PPP2R2C: variants seen among roughly 807,000 people sequenced by gnomAD.
PPP2R2C encodes the protein protein phosphatase 2 regulatory subunit Bgamma.
PPP2R2C carries 10 observed loss-of-function variants against 45.3 expected under a neutral mutation model. The ratio of observed to expected loss-of-function variants is 0.22; its 90% CI spans 0.14 to 0.37. The LOEUF (loss-of-function observed/expected upper bound fraction) is 0.37, where lower values mean the gene tolerates loss of function less well. Ranked by LOEUF, PPP2R2C falls within the 10% of genes least tolerant of loss-of-function variation. The pLI is 1.00. For synonymous variants in PPP2R2C, 257 were observed against 245.4 expected, an observed-to-expected ratio of 1.05 and a Z score of -0.44; for missense variants, 308 against 619.7, an observed-to-expected ratio of 0.50 and a Z score of 5.34.
intron 4 of PPP2R2C, among the ~76,000 whole-genome samples, chr4:6,374,214 T>C (rs759926864): frequency 6.6e-6 from 1 of 152,164 alleles, no homozygotes; most frequent in Non-Finnish European, 1.5e-5. Context: ...CAGCAAAGTC[T>C]TGGCATCTCA....
chr4:6,366,353 C>T (rs1008131633), intron 5 of PPP2R2C, among the ~76,000 whole-genome samples: 2 of 152,154 alleles, frequency 1.3e-5, no homozygotes, highest in South Asian at 2.1e-4. Flanking sequence ...ATTCCCCAGG[C>T]GCCCAGATCA....
chr4:6,428,418 C>T (rs937428606), intron 1 of PPP2R2C, among the ~76,000 whole-genome samples: 34 of 152,216 alleles, frequency 2.2e-4, no homozygotes, highest in African/African-American at 7.7e-4. Context: ...TTGCTGGTGA[C>T]TGTGTCCTGG....
intron 6 of PPP2R2C, 144 bp downstream of exon 6, chr4:6,347,702 C>T (rs1712124542): frequency 3.7e-6 from 4 of 1,087,366 alleles, no homozygotes; most frequent in East Asian, 2.6e-5. Flanking sequence ...AGCGCTGAAG[C>T]AGCAATGGGC....
chr4:6,560,075 C>T (rs532862789), intron 1 of PPP2R2C, among the ~76,000 whole-genome samples: 4 of 152,370 alleles, frequency 2.6e-5, no homozygotes, highest in East Asian at 1.9e-4. Context: ...ACAGGGGAAG[C>T]CCACCAAGGA....
At chr4:6,488,803 T>C (rs1722608446) in intron 2 of PPP2R2C, among the ~76,000 whole-genome samples, 1 of 152,146 alleles carries the variant, frequency 6.6e-6, no homozygotes, top group Non-Finnish European at 1.5e-5. Context: ...GGCAAGACTT[T>C]CCTGAGTTGT....
In PPP2R2C at chr4:6,324,755, C is replaced by T. The variant is rs1162576821; in HGVS notation, c.1053-1162G>A. Among the ~76,000 whole-genome samples, 3 of 152,162 alleles carry T rather than the reference C, an allele frequency of 2.0e-5. No individual in the cohort carries two copies. Among genetic ancestry groups the T allele is most frequent in the African/African-American group, 7.2e-5 (3 of 41,444 alleles). On this transcript the variant is annotated intron_variant, in intron 8 of 8. Coordinates refer to ENST00000382599, the MANE Select transcript of PPP2R2C (RefSeq NM_020416.4). This position sits in a 1 kb window ranked among gnomAD's most constrained non-coding sequence, Gnocchi z 4.1. ...GCTCCTAAGGAGAAGGGGTTCCTGCCGGTGGGAGGAAGGGTAAGTTCATCC... is the reference window on the plus strand; with the variant it reads ...GCTCCTAAGGAGAAGGGGTTCCTGCTGGTGGGAGGAAGGGTAAGTTCATCC...
chr4:6,501,459 T>C (rs764520776), intron 2 of PPP2R2C, among the ~76,000 whole-genome samples: 7 of 152,182 alleles, frequency 4.6e-5, no homozygotes, highest in Admixed American at 1.3e-4. Flanking sequence ...GTTCTCAAGA[T>C]TGACTGGGAT....
rs781250478 is a variant in PPP2R2C at position 6,449,748 on chromosome 4, C to T, written c.70+22412G>A. On this transcript the variant is annotated intron_variant, in intron 1 of 8. Transcript: ENST00000382599. ...GAGTTCTGGAAAATGGGTTCCATCC[C>T]GCACAAGGGCCTGCTCTGAATGGCC... Among the ~76,000 whole-genome samples, 88 of 152,354 alleles carry T rather than the reference C, an allele frequency of 5.8e-4. 1 individual carries two copies. Among genetic ancestry groups the T allele is most frequent in the Non-Finnish European group, 5.9e-4 (40 of 68,032 alleles).
intron 2 of PPP2R2C, among the ~76,000 whole-genome samples, chr4:6,489,165 C>G (rs1722619044): frequency 6.6e-6 from 1 of 152,222 alleles, no homozygotes; most frequent in Non-Finnish European, 1.5e-5. Flanking sequence ...AGGAATCTCT[C>G]AAGGCAGTAA....
At position 6,554,459 on chromosome 4, in the gene PPP2R2C, T is replaced by C. The variant is rs554389531; in HGVS notation, c.-59+9101A>G. On this transcript the variant is annotated intron_variant, in intron 1 of 9. Transcript: ENST00000506140. ...TGCCAGAACCATGAGACAATCAATT[T>C]CCTTTCTTCAAGCCACTCTGTGTGT... is the stretch of plus-strand genomic sequence containing the variant. 2.0e-4 allele frequency among the ~76,000 whole-genome samples: 30 copies of C among 152,308 alleles called. No homozygotes were observed. In the South Asian group the frequency reaches 5.4e-3, roughly 27 times the overall value.
At chr4:6,335,816 T>TC (rs1732801222) in intron 6 of PPP2R2C, among the ~76,000 whole-genome samples, 1 of 151,906 alleles carries the variant, frequency 6.6e-6, no homozygotes. Flanking sequence ...GCCTCTGGTA[T>TC]CCCCCCAAAT....
intron 2 of PPP2R2C, among the ~76,000 whole-genome samples, chr4:6,512,413 G>A (rs1337710643): frequency 9.6e-6 from 1 of 104,090 alleles, no homozygotes; most frequent in African/African-American, 3.1e-5. Context: ...GATGGTGGTG[G>A]TGGTGATGGT....
rs534001406 is a variant in PPP2R2C at position 6,528,188 on chromosome 4, G to A, written c.49+7083C>T. Among the ~76,000 whole-genome samples the A allele has an allele frequency of 1.2e-4, 18 of 152,350 alleles. No individual in the cohort carries two copies. The East Asian group carries it at 1.9e-3, about 16-fold the overall frequency. On this transcript the variant is annotated intron_variant, in intron 2 of 9. Transcript: ENST00000506140. ...CCTGGGAAGTCCTCGGCCCCTGCCC[G>A]GGCAAACATCTCTTCCTCTTCCCGG...
At position 6,339,490 on chromosome 4, in the gene PPP2R2C, G is replaced by A. The variant is rs550945502; in HGVS notation, c.791-5759C>T. On this transcript the variant is annotated intron_variant, in intron 6 of 8. Coordinates refer to ENST00000382599, the MANE Select transcript of PPP2R2C (RefSeq NM_020416.4). ...CAGCCAGCCTGGGGGTGGCCCCTGT[G>A]TGCCCGTGGCACTTGCTCTGTGGCC... is the stretch of plus-strand genomic sequence containing the variant. Among the ~76,000 whole-genome samples, 3 of 152,376 alleles carry A rather than the reference G, an allele frequency of 2.0e-5. No homozygotes were observed. In the South Asian group the frequency reaches 6.2e-4, roughly 32 times the overall value.
chr4:6,340,846 A>G (rs915644069), intron 6 of PPP2R2C, among the ~76,000 whole-genome samples: 1 of 152,216 alleles, frequency 6.6e-6, no homozygotes, highest in East Asian at 1.9e-4. Context: ...TCCTCCAGCC[A>G]CACACCTCTC....
At chr4:6,455,769 C>G (rs1225014258) in intron 1 of PPP2R2C, among the ~76,000 whole-genome samples, 2 of 152,190 alleles carry the variant, frequency 1.3e-5, no homozygotes, top group Non-Finnish European at 2.9e-5. Context: ...AACGCTCCAC[C>G]AACCCTGAAC....
chr4:6,506,617 C>A (rs1168821117), intron 2 of PPP2R2C, among the ~76,000 whole-genome samples: 2 of 152,192 alleles, frequency 1.3e-5, no homozygotes, highest in African/African-American at 4.8e-5. Context: ...AGCAAAGATT[C>A]TGAGTAGGTG....
At chr4:6,514,967 T>A (rs1723786593) in intron 2 of PPP2R2C, among the ~76,000 whole-genome samples, 1 of 151,988 alleles carries the variant, frequency 6.6e-6, no homozygotes, top group South Asian at 2.1e-4. Context: ...TATGACTGTG[T>A]CTCTTCTAAG....
At chr4:6,348,837 C>T in intron 5 of PPP2R2C, 1 of 646,914 alleles carries the variant, frequency 1.5e-6, no homozygotes, top group Non-Finnish European at 1.9e-6. Context: ...GAAGCCATTC[C>T]CCCCAGACTG....
Sources: allele counts gnomAD v4.1 joint callset (sites outside exome capture counted in the v4.1 genomes callset), GRCh38; gene constraint gnomAD v4.1.1; non-coding constraint Gnocchi (gnomAD v3.1); transcripts MANE v1.5; gene names NCBI Gene and HGNC (gene_info 2026-07-23, HGNC 2026-07-21).